The following SPATA13 variants were observed in gnomAD, a reference collection of about 807,000 sequenced individuals.
The protein encoded by SPATA13 is spermatogenesis-associated protein 13.
SPATA13 carries 50 observed loss-of-function variants against 104.0 expected under a neutral mutation model. The observed-to-expected ratio is 0.48, with a 90% CI of 0.38 to 0.61. SPATA13 has a LOEUF of 0.61. SPATA13 is among the 20% of genes least tolerant of loss of function. The pLI, the probability that SPATA13 is intolerant of heterozygous loss-of-function variation, is 0.00. For missense variants in SPATA13, 1,524 were observed against 1,690.6 expected (o/e 0.90, Z 1.73); for synonymous variants, 606 against 667.5 (o/e 0.91, Z 1.42).
exon 2 of SPATA13, chr13:23,983,840 G>A (rs1054387251): frequency 4.1e-6 from 4 of 978,442 alleles, no homozygotes; most frequent in Non-Finnish European, 3.6e-6. Flanking sequence ...AGTCATATTC[G>A]CTGCCTGTGC....
chr13:24,217,304 C>G (rs1871309534), intron 1 of SPATA13, among the ~76,000 whole-genome samples: 2 of 152,174 alleles, frequency 1.3e-5, no homozygotes, highest in Non-Finnish European at 2.9e-5. Flanking sequence ...TCAGCACTCT[C>G]TCTCTTTTTA....
Position 24,062,370 on chromosome 13 carries a change from T to C in SPATA13, c.-112+44669T>C, listed in dbSNP as rs377345003. Among the ~76,000 whole-genome samples, 20 of 152,270 alleles carry C rather than the reference T, an allele frequency of 1.3e-4. No individual in the cohort carries two copies. The East Asian group carries it at 2.3e-3, about 18-fold the overall frequency. On this transcript the variant is annotated intron_variant, in intron 3 of 14. Transcript: ENST00000424834. Reference sequence around the variant, plus strand: ...TGGGGGCAGGAGGCCAGGGACTGACTGGGGGCTGATCAGGACGAAGAGAGC... The same window carrying C: ...TGGGGGCAGGAGGCCAGGGACTGACCGGGGGCTGATCAGGACGAAGAGAGC...
chr13:24,301,215 TA>T (rs1425231919), intron 12 of SPATA13, among the ~76,000 whole-genome samples: 1 of 152,166 alleles, frequency 6.6e-6, no homozygotes, highest in Non-Finnish European at 1.5e-5. Context: ...CTTTCTACTT[TA>T]AAAGGCATTT....
At chr13:24,261,215 G>A (rs77788252) in intron 4 of SPATA13, among the ~76,000 whole-genome samples, 4,081 of 152,284 alleles carry the variant, frequency 0.027, 73 homozygotes, top group Middle Eastern at 0.092. Flanking sequence ...AATGATAGTG[G>A]CACTGGAGAT....
intron 2 of SPATA13, among the ~76,000 whole-genome samples, chr13:24,225,365 G>C (rs761798312): frequency 6.6e-6 from 1 of 152,230 alleles, no homozygotes; most frequent in Non-Finnish European, 1.5e-5. Context: ...GCTGGCTTCC[G>C]CTGCAGGCAC....
chr13:24,165,784 T>G (rs1355767190), intron 1 of SPATA13, among the ~76,000 whole-genome samples: 2 of 152,192 alleles, frequency 1.3e-5, no homozygotes, highest in Non-Finnish European at 1.5e-5. Context: ...ATAGGAACAG[T>G]CCATTGTACT....
intron 3 of SPATA13, among the ~76,000 whole-genome samples, chr13:24,039,580 T>C (rs1877836755): frequency 1.3e-5 from 2 of 152,196 alleles, no homozygotes; most frequent in Admixed American, 1.3e-4. Flanking sequence ...TCACTCTCAA[T>C]AGGAATTCTT....
chr13:24,071,608 A>G (rs1332586747), intron 3 of SPATA13, among the ~76,000 whole-genome samples: 1 of 152,226 alleles, frequency 6.6e-6, no homozygotes, highest in Non-Finnish European at 1.5e-5. Flanking sequence ...CCTCTGTAGT[A>G]TGGAGCTTGT....
chr13:24,228,108 CTTTT>C (rs71186818), intron 2 of SPATA13, among the ~76,000 whole-genome samples: 11 of 102,282 alleles, frequency 1.1e-4, no homozygotes, highest in Non-Finnish European at 1.6e-4. Context: ...CTCTTGTACT[CTTTT>C]TTTTTTTTTT....
In SPATA13 at chr13:24,245,825, G is replaced by A. The variant is rs117779147; in HGVS notation, c.1654-3652G>A. ...GCTGGTCTTGAATTCCTGGGCTCAA[G>A]CAATCCTCCTGCCTGAGCCTCCCAA... On this transcript the variant is annotated intron_variant, in intron 2 of 12. Coordinates refer to ENST00000382108, the MANE Select transcript of SPATA13 (RefSeq NM_001166271.3). Among the ~76,000 whole-genome samples the A allele has an allele frequency of 4.6e-3, 702 of 152,196 alleles. 44 individuals are homozygous for A. In the East Asian group the frequency reaches 0.11, roughly 24 times the overall value.
intron 3 of SPATA13, among the ~76,000 whole-genome samples, chr13:24,031,961 G>A (rs1488847875): frequency 2.6e-5 from 4 of 152,168 alleles, no homozygotes; most frequent in African/African-American, 9.7e-5. Context: ...TGTGTTCTAA[G>A]TTCTGACAAT....
chr13:24,157,687 G>A (rs1248679074), upstream of SPATA13, among the ~76,000 whole-genome samples: 1 of 152,106 alleles, frequency 6.6e-6, no homozygotes, highest in East Asian at 1.9e-4. Flanking sequence ...ACTGAAATGA[G>A]GAGAAAGGAG....
intron 3 of SPATA13, among the ~76,000 whole-genome samples, chr13:24,046,440 A>G (rs1463612112): frequency 6.6e-6 from 1 of 151,454 alleles, no homozygotes; most frequent in Non-Finnish European, 1.5e-5. Flanking sequence ...ACACACTGCC[A>G]CAACCAGCTA....
intron 3 of SPATA13, among the ~76,000 whole-genome samples, chr13:24,133,308 T>G (rs1198761753): frequency 3.3e-5 from 5 of 152,154 alleles, no homozygotes; most frequent in Non-Finnish European, 7.3e-5. Flanking sequence ...GTTCATCTGG[T>G]AGAGATTGTG....
At chr13:24,070,366 A>G (rs953073401) in intron 3 of SPATA13, among the ~76,000 whole-genome samples, 9 of 152,068 alleles carry the variant, frequency 5.9e-5, no homozygotes, top group Non-Finnish European at 1.3e-4. Context: ...CCATATGCTC[A>G]CTTCCCTCAG....
chr13:24,246,823 A>G (rs907825382), intron 2 of SPATA13, among the ~76,000 whole-genome samples: 1 of 152,094 alleles, frequency 6.6e-6, no homozygotes, highest in Admixed American at 6.6e-5. Context: ...AGATCACACC[A>G]CTGCACTCCA....
intron 7 of SPATA13, among the ~76,000 whole-genome samples, chr13:24,288,330 G>C (rs994917891): frequency 2.6e-5 from 4 of 152,148 alleles, no homozygotes; most frequent in Admixed American, 6.5e-5. Context: ...TTCATACCAA[G>C]TAGTCATTGG....
Position 24,286,184 on chromosome 13 carries a change from T to C in SPATA13, c.2302-30T>C. 1 of 1,588,482 alleles carries C rather than the reference T, an allele frequency of 6.3e-7. No individual in the cohort carries two copies. Among genetic ancestry groups the C allele is most frequent in the South Asian group, 1.1e-5 (1 of 87,286 alleles). On this transcript the variant is annotated intron_variant, in intron 5 of 12. Coordinates refer to ENST00000382108, the MANE Select transcript of SPATA13 (RefSeq NM_001166271.3). This position sits in a 1 kb window ranked among gnomAD's most constrained non-coding sequence, Gnocchi z 4.9. ...CACCATCCCGCCCACTCGTGCTCTA[T>C]GCTGAGCGCACCCCACTGTCTCCTT... is the stretch of plus-strand genomic sequence containing the variant.
chr13:24,251,301 T>C (rs1317732224), intron 3 of SPATA13, among the ~76,000 whole-genome samples: 1 of 152,226 alleles, frequency 6.6e-6, no homozygotes, highest in Non-Finnish European at 1.5e-5. Context: ...GGATCACAGA[T>C]GGCCACCCTG....
Sources: allele counts gnomAD v4.1 joint callset (sites outside exome capture counted in the v4.1 genomes callset), GRCh38; gene constraint gnomAD v4.1.1; non-coding constraint Gnocchi (gnomAD v3.1); transcripts MANE v1.5; gene names NCBI Gene and HGNC (gene_info 2026-07-23, HGNC 2026-07-21).